The following ABCA13 variants were observed in gnomAD, a reference collection of about 807,000 sequenced individuals.
ABCA13 encodes the protein ATP-binding cassette sub-family A member 13.
In ABCA13, 476 loss-of-function variants were observed where a neutral mutation model predicts 478.7. The observed-to-expected ratio is 0.99, with a 90% CI of 0.92 to 1.07. ABCA13 has a LOEUF of 1.07. Ranked by LOEUF, ABCA13 falls within the 50% of genes least tolerant of loss-of-function variation. The pLI, the probability that ABCA13 is intolerant of heterozygous loss-of-function variation, is 0.00. For missense variants in ABCA13, 6,060 were observed against 5,910.6 expected, an observed-to-expected ratio of 1.03 and a Z score of -0.83; for synonymous variants, 2,252 against 2,158.9, an observed-to-expected ratio of 1.04 and a Z score of -1.20.
intron 10 of ABCA13, among the ~76,000 whole-genome samples, chr7:48,241,673 A>T (rs1790852848): frequency 6.6e-6 from 1 of 152,210 alleles, no homozygotes. Flanking sequence ...GGAAAAGAAG[A>T]ATATGATTTC....
chr7:48,534,641 A>G (rs1358664075), intron 55 of ABCA13, among the ~76,000 whole-genome samples: 3 of 152,160 alleles, frequency 2.0e-5, no homozygotes, highest in South Asian at 2.1e-4. Flanking sequence ...AGGAAAACCA[A>G]TTAGTCTTAG....
At chr7:48,527,869 G>A (rs534636906) in intron 54 of ABCA13, among the ~76,000 whole-genome samples, 1 of 152,158 alleles carries the variant, frequency 6.6e-6, no homozygotes, top group African/African-American at 2.4e-5. Flanking sequence ...GAAATTAGGA[G>A]AATAATAATT....
chr7:48,533,298 C>A (rs952585569), intron 55 of ABCA13, among the ~76,000 whole-genome samples: 1 of 151,980 alleles, frequency 6.6e-6, no homozygotes, highest in African/African-American at 2.4e-5. Context: ...TATGTATTTG[C>A]ATGGTTTTGA....
chr7:48,488,121 A>C (rs1387672162), intron 47 of ABCA13, among the ~76,000 whole-genome samples: 1 of 152,130 alleles, frequency 6.6e-6, no homozygotes, highest in Non-Finnish European at 1.5e-5. Context: ...CTGTGAACTT[A>C]AGAAAATATT....
In ABCA13 at chr7:48,301,829, T is replaced by C. The variant is rs191536411; in HGVS notation, c.9321+3342T>C. The stretch of plus-strand genomic sequence containing the variant: ...GGGCTTTTCTCTTTGATTTGTTTGA[T>C]TTGTTGTCCTACCAGAGTATTCTCA... On this transcript the variant is annotated intron_variant, in intron 23 of 61. Transcript: ENST00000435803. 5.5e-3 allele frequency among the ~76,000 whole-genome samples: 833 copies of C among 152,028 alleles called. 8 individuals carry two copies. The highest frequency in any genetic ancestry group is 0.019 in the African/African-American group (798 of 41,556).
intron 57 of ABCA13, among the ~76,000 whole-genome samples, chr7:48,590,717 T>G (rs1336408058): frequency 6.6e-6 from 1 of 152,208 alleles, no homozygotes; most frequent in Non-Finnish European, 1.5e-5. Context: ...GGTTTTCATT[T>G]GCATTTCCCT....
At chr7:48,579,894 T>G (rs549586468) in intron 55 of ABCA13, among the ~76,000 whole-genome samples, 210 of 152,292 alleles carry the variant, frequency 1.4e-3, no homozygotes, top group Non-Finnish European at 2.6e-3. Context: ...TCTTTACAAA[T>G]GAAAATTTCC....
intron 48 of ABCA13, among the ~76,000 whole-genome samples, chr7:48,494,345 T>C (rs564363953): frequency 2.0e-5 from 3 of 152,182 alleles, no homozygotes; most frequent in African/African-American, 7.2e-5. Context: ...TGATCTGTAA[T>C]AGAGCTACTG....
chr7:48,550,265 C>CTTTCTTTTTTT (rs749610273), intron 55 of ABCA13, among the ~76,000 whole-genome samples: 3,010 of 148,276 alleles, frequency 0.02, 141 homozygotes, highest in African/African-American at 0.071. Context: ...CTCTATTTTT[C>CTTTCTTTTTTT]TTTTTTTTGG....
At chr7:48,376,340 TC>T (rs1813476696) in intron 34 of ABCA13, 100 bp from the exon 35 acceptor site, 1 of 1,440,138 alleles carries the variant, frequency 6.9e-7, no homozygotes, top group African/African-American at 1.4e-5. Context: ...TTAGTTCTGT[TC>T]AACTTCACTT....
intron 31 of ABCA13, among the ~76,000 whole-genome samples, chr7:48,359,451 A>G (rs1810471843): frequency 6.6e-6 from 1 of 151,998 alleles, no homozygotes; most frequent in Non-Finnish European, 1.5e-5. Context: ...AGCAAGTGAC[A>G]GGGGCAACAT....
At chr7:48,621,325 C>A (rs1793109444) in intron 59 of ABCA13, among the ~76,000 whole-genome samples, 1 of 152,208 alleles carries the variant, frequency 6.6e-6, no homozygotes, top group Admixed American at 6.5e-5. Context: ...CACAATCTTA[C>A]CTCGTTCCAA....
At chr7:48,547,335 T>G (rs1170468739) in intron 55 of ABCA13, among the ~76,000 whole-genome samples, 1 of 151,930 alleles carries the variant, frequency 6.6e-6, no homozygotes, top group East Asian at 1.9e-4. Flanking sequence ...CTCATTTGAA[T>G]TTCCCTTCCC....
At chr7:48,504,590 C>T (rs1831042979) in intron 48 of ABCA13, among the ~76,000 whole-genome samples, 1 of 151,992 alleles carries the variant, frequency 6.6e-6, no homozygotes, top group Non-Finnish European at 1.5e-5. Flanking sequence ...CTACTGTGTT[C>T]CTCAAATAAT....
intron 32 of ABCA13, 120 bp from the exon 33 acceptor site, chr7:48,372,048 G>A (rs970013112): frequency 9.7e-7 from 1 of 1,035,440 alleles, no homozygotes. Flanking sequence ...TCACAGGGCT[G>A]AATTTGCAAG....
intron 55 of ABCA13, among the ~76,000 whole-genome samples, chr7:48,552,428 A>G (rs891195269): frequency 6.6e-6 from 1 of 151,794 alleles, no homozygotes; most frequent in Non-Finnish European, 1.5e-5. Context: ...AGCAATGGAC[A>G]GTAGAATTCT....
chr7:48,434,033 A>G (rs1822498014), intron 42 of ABCA13, among the ~76,000 whole-genome samples: 2 of 151,996 alleles, frequency 1.3e-5, no homozygotes, highest in South Asian at 4.1e-4. Flanking sequence ...TTGAGCATAT[A>G]ACAAGAAATG....
chr7:48,317,222 T>G lies in ABCA13; in HGVS notation c.9925T>G (p.Phe3309Val), dbSNP rs1802723932. 1 of 1,613,748 alleles carries G rather than the reference T, an allele frequency of 6.2e-7. No homozygotes were observed. The highest frequency in any genetic ancestry group is 8.5e-7 in the Non-Finnish European group (1 of 1,179,838). ...GCCAAATGGTGCTTTGGTGTGGACCTTCCTAAAACCCATATTGCATGGAAA... is the reference window on the plus strand; with the variant it reads ...GCCAAATGGTGCTTTGGTGTGGACCGTCCTAAAACCCATATTGCATGGAAA... The part of the protein sequence containing the change: ...QLPNGALVWT[F>V]LKPILHGKIL... Residue 3309 changes from phenylalanine (F) to valine (V), a missense_variant, in exon 27 of 62, where the codon TTC becomes GTC. Phe to Val is a conservative substitution (Grantham distance 50). Coordinates refer to ENST00000435803, the MANE Select transcript of ABCA13 (RefSeq NM_152701.5).
chr7:48,614,363 A>G (rs903777990), intron 58 of ABCA13, among the ~76,000 whole-genome samples: 3 of 151,400 alleles, frequency 2.0e-5, no homozygotes, highest in Non-Finnish European at 4.4e-5. Flanking sequence ...TAGAATGGCA[A>G]TCATTAAAAA....
Sources: allele counts gnomAD v4.1 joint callset (sites outside exome capture counted in the v4.1 genomes callset), GRCh38; gene constraint gnomAD v4.1.1; transcripts MANE v1.5; gene names NCBI Gene and HGNC (gene_info 2026-07-23, HGNC 2026-07-21).